KCNH5: variants seen among roughly 807,000 people sequenced by gnomAD.
KCNH5 encodes voltage-gated delayed rectifier potassium channel KCNH5.
KCNH5 carries 46 observed loss-of-function variants against 96.1 expected under a neutral mutation model. The ratio of observed to expected loss-of-function variants is 0.48; its 90% confidence interval spans 0.38 to 0.61. The LOEUF (loss-of-function observed/expected upper bound fraction) is 0.61, where lower values mean the gene tolerates loss of function less well. KCNH5 is among the 20% of genes least tolerant of loss of function. KCNH5 has a pLI of 0.00. For synonymous variants in KCNH5, 439 were observed against 449.8 expected (o/e 0.98, Z 0.30); for missense variants, 907 against 1,225.8 (o/e 0.74, Z 3.88).
chr14:63,023,084 T>G (rs1041365935), intron 1 of KCNH5, among the ~76,000 whole-genome samples: 4 of 151,554 alleles, frequency 2.6e-5, no homozygotes, highest in Non-Finnish European at 5.9e-5. Flanking sequence ...ACACCTGTAG[T>G]CCCAGCTACC....
intron 9 of KCNH5, among the ~76,000 whole-genome samples, chr14:62,800,304 A>T (rs1403418882): frequency 6.6e-6 from 1 of 152,190 alleles, no homozygotes; most frequent in Non-Finnish European, 1.5e-5. Flanking sequence ...ATATGATGAG[A>T]TGGGTGCAAT....
chr14:62,952,378 C>G (rs1295753458), intron 6 of KCNH5, among the ~76,000 whole-genome samples: 2 of 152,132 alleles, frequency 1.3e-5, no homozygotes, highest in Non-Finnish European at 2.9e-5. Flanking sequence ...AAAAATGGAA[C>G]AGTGCAGTCA....
At chr14:62,936,146 G>A (rs193201119) in intron 7 of KCNH5, among the ~76,000 whole-genome samples, 1 of 152,174 alleles carries the variant, frequency 6.6e-6, no homozygotes, top group East Asian at 1.9e-4. Context: ...AGGCAGTATA[G>A]GAGAAGAGGC....
intron 2 of KCNH5, among the ~76,000 whole-genome samples, chr14:63,011,239 T>C (rs139319521): frequency 0.011 from 1,698 of 152,150 alleles, 22 homozygotes; most frequent in African/African-American, 0.03. Flanking sequence ...TCCCAGCACT[T>C]TGAGAGGCTG....
rs1479074890 is a variant in KCNH5, at chr14:62,702,808, C to T, written c.*4700G>A. 6.6e-6 allele frequency: 1 copy of T among 151,866 alleles called. No individual in the cohort carries two copies. The highest frequency in any genetic ancestry group is 2.4e-5 in the African/African-American group (1 of 41,412). The allele number at this position is 151,866 out of a possible 1,614,324, so 9.4% of individuals were successfully genotyped here. A position where few individuals can be genotyped will look rare whatever the true frequency, so the allele number is the denominator to read the frequency against. ...AATGAAGTGATAGAAAATCTCAAGT[C>T]AGAATATAGGCCAAAACTTACAACA... On this transcript the variant is annotated 3_prime_UTR_variant, in exon 11 of 11. Coordinates refer to ENST00000322893, the MANE Select transcript of KCNH5 (RefSeq NM_139318.5).
At chr14:62,870,505 G>A (rs1888232312) in intron 7 of KCNH5, among the ~76,000 whole-genome samples, 1 of 152,044 alleles carries the variant, frequency 6.6e-6, no homozygotes, top group Non-Finnish European at 1.5e-5. Context: ...CTGAGTAGTG[G>A]CAGATCACAC....
intron 8 of KCNH5, among the ~76,000 whole-genome samples, chr14:62,805,404 A>AT (rs1232512954): frequency 2.0e-5 from 3 of 152,194 alleles, no homozygotes; most frequent in African/African-American, 7.2e-5. Flanking sequence ...TTATATCCAG[A>AT]TATCAAAAAG....
chr14:62,959,340 T>C (rs1890163884), intron 6 of KCNH5, among the ~76,000 whole-genome samples: 1 of 152,136 alleles, frequency 6.6e-6, no homozygotes, highest in Non-Finnish European at 1.5e-5. Flanking sequence ...AGGGTATGTC[T>C]CTAAAAGACA....
At chr14:62,948,335 C>T (rs1018811685) in intron 7 of KCNH5, among the ~76,000 whole-genome samples, 8 of 151,972 alleles carry the variant, frequency 5.3e-5, no homozygotes, top group African/African-American at 1.5e-4. Flanking sequence ...ATATCACCAC[C>T]GATCCCACAG....
chr14:62,873,441 T>C (rs141292938), intron 7 of KCNH5, among the ~76,000 whole-genome samples: 2 of 152,282 alleles, frequency 1.3e-5, no homozygotes, highest in African/African-American at 4.8e-5. Context: ...TCATATGATT[T>C]ATCTGAAAAT....
At chr14:62,755,907 A>G (rs999232657) in intron 10 of KCNH5, among the ~76,000 whole-genome samples, 1 of 152,206 alleles carries the variant, frequency 6.6e-6, no homozygotes, top group Non-Finnish European at 1.5e-5. Flanking sequence ...AAAATTCAAC[A>G]TCCCTTCATG....
intron 8 of KCNH5, among the ~76,000 whole-genome samples, chr14:62,848,546 T>C (rs1887742196): frequency 1.3e-5 from 2 of 152,102 alleles, no homozygotes; most frequent in South Asian, 2.1e-4. Flanking sequence ...TGAAGGCTTC[T>C]CTCCCTCAAC....
At chr14:62,754,311 C>A (rs1441933957) in intron 10 of KCNH5, among the ~76,000 whole-genome samples, 2 of 151,610 alleles carry the variant, frequency 1.3e-5, no homozygotes, top group African/African-American at 4.9e-5. Flanking sequence ...ATCACCTATA[C>A]TAAAAGAAAG....
At chr14:62,906,220 G>C (rs981681722) in intron 7 of KCNH5, among the ~76,000 whole-genome samples, 23 of 152,314 alleles carry the variant, frequency 1.5e-4, no homozygotes, top group Admixed American at 1.4e-3. Context: ...CCTGTGTTCA[G>C]TGGAGCTTAC....
At chr14:62,991,015 C>T (rs1890799256) in intron 4 of KCNH5, among the ~76,000 whole-genome samples, 1 of 151,986 alleles carries the variant, frequency 6.6e-6, no homozygotes, top group South Asian at 2.1e-4. Flanking sequence ...AGGTCCCTCC[C>T]CCAATGTGGG....
chr14:62,816,393 T>C (rs1409975387), intron 8 of KCNH5, among the ~76,000 whole-genome samples: 2 of 151,928 alleles, frequency 1.3e-5, no homozygotes, highest in African/African-American at 2.4e-5. Context: ...ATCAGAAATC[T>C]TTCAAAGAGT....
chr14:62,729,053 T>C (rs1884996158), intron 10 of KCNH5, among the ~76,000 whole-genome samples: 1 of 152,220 alleles, frequency 6.6e-6, no homozygotes, highest in African/African-American at 2.4e-5. Flanking sequence ...AAACAGTGAG[T>C]TCCATGAGTG....
intron 8 of KCNH5, among the ~76,000 whole-genome samples, chr14:62,806,801 C>T (rs767929138): frequency 1.3e-4 from 20 of 152,252 alleles, no homozygotes; most frequent in Non-Finnish European, 1.8e-4. Context: ...TTGGTAAAGT[C>T]CCTCTCAGCT....
chr14:62,857,819 C>T (rs1200045612), intron 7 of KCNH5, among the ~76,000 whole-genome samples: 1 of 152,158 alleles, frequency 6.6e-6, no homozygotes, highest in Non-Finnish European at 1.5e-5. Context: ...AGGATCAATA[C>T]TTTGCATCCT....
Sources: gnomAD v4.1 joint callset for allele counts (sites outside exome capture counted in the v4.1 genomes callset) on GRCh38, gnomAD v4.1.1 for gene constraint, MANE v1.5 for transcripts, NCBI Gene and HGNC (gene_info 2026-07-23, HGNC 2026-07-21) for gene names.